Variants in RTL4 observed in about 807,000 individuals in gnomAD.
RTL4 encodes retrotransposon Gag like 4.
A neutral mutation model predicts 5.3 loss-of-function variants in RTL4; 4 were observed. The ratio of observed to expected loss-of-function variants is 0.75; its 90% CI spans 0.37 to 1.72. RTL4 has a LOEUF of 1.72. RTL4 is among the 40% of genes most tolerant of loss of function. The probability of loss-of-function intolerance (pLI) is 0.04; values close to 1 mark genes in which losing one functional copy is unlikely to be tolerated. For missense variants in RTL4, 260 were observed against 227.1 expected, an observed-to-expected ratio of 1.14 and a Z score of -0.93; for synonymous variants, 98 against 87.3, an observed-to-expected ratio of 1.12 and a Z score of -0.68.
At chrX:112,332,869 T>C in the RTL4 span, among the ~76,000 whole-genome samples, 1 of 111,331 alleles carries the variant, frequency 9.0e-6, no homozygotes, top group Non-Finnish European at 1.9e-5. Flanking sequence ...TCTCCAACTA[T>C]TATTGTTCTA....
chrX:112,107,874 C>G, the RTL4 span, among the ~76,000 whole-genome samples: 1 of 111,803 alleles, frequency 8.9e-6, no homozygotes, highest in African/African-American at 3.2e-5. Context: ...AAGGTTTTCT[C>G]CTATGGTTTC....
the RTL4 span, among the ~76,000 whole-genome samples, chrX:112,393,170 T>TTTGTTTG: frequency 2.8e-4 from 28 of 99,239 alleles, no homozygotes; most frequent in African/African-American, 1.2e-3. Context: ...TGTTTTTTTT[T>TTTGTTTG]TTTGTTTGTT....
the RTL4 span, among the ~76,000 whole-genome samples, chrX:112,248,225 C>A: frequency 1.3e-4 from 15 of 111,886 alleles, no homozygotes; most frequent in African/African-American, 4.9e-4. Context: ...TAGATTCTTT[C>A]TATAGTCTCT....
the RTL4 span, among the ~76,000 whole-genome samples, chrX:112,264,063 C>T: frequency 1.8e-5 from 2 of 111,401 alleles, no homozygotes; most frequent in Non-Finnish European, 3.8e-5. Flanking sequence ...TTAGGCATCC[C>T]TGGACAGTGA....
the RTL4 span, among the ~76,000 whole-genome samples, chrX:112,304,858 ATC>A: frequency 9.2e-5 from 10 of 108,313 alleles, no homozygotes; most frequent in South Asian, 8.1e-4. Context: ...CCACTCCTGC[ATC>A]TCTCTTTCCT....
chrX:112,386,878 G>A, the RTL4 span, among the ~76,000 whole-genome samples: 2 of 111,547 alleles, frequency 1.8e-5, no homozygotes, highest in Non-Finnish European at 3.8e-5. Context: ...ACCCAGTAGT[G>A]GGATTTCTGG....
chrX:112,264,971 T>C, the RTL4 span, among the ~76,000 whole-genome samples: 1 of 112,514 alleles, frequency 8.9e-6, no homozygotes, highest in African/African-American at 3.2e-5. Context: ...ATAAACTCTT[T>C]GAGGCCAGTC....
chrX:112,158,279 T>C, the RTL4 span, among the ~76,000 whole-genome samples: 1 of 111,664 alleles, frequency 9.0e-6, no homozygotes, highest in Non-Finnish European at 1.9e-5. Context: ...CCTAATATGA[T>C]TTTAAAATAG....
chrX:112,356,768 G>A, the RTL4 span, among the ~76,000 whole-genome samples: 1 of 111,460 alleles, frequency 9.0e-6, no homozygotes. Context: ...TCTAGATGAC[G>A]TTATAGCTAA....
the RTL4 span, among the ~76,000 whole-genome samples, chrX:112,246,772 G>A: frequency 2.7e-5 from 3 of 111,294 alleles, no homozygotes; most frequent in African/African-American, 9.8e-5. Flanking sequence ...ACCTCAGCTG[G>A]AAATGCAGAA....
At chrX:112,401,992 A>G in the RTL4 span, among the ~76,000 whole-genome samples, 2,049 of 111,215 alleles carry the variant, frequency 0.018, 55 homozygotes, top group African/African-American at 0.063. Flanking sequence ...GTTTTTCCCT[A>G]TTGTCCATCC....
upstream of RTL4, among the ~76,000 whole-genome samples, chrX:112,453,729 C>T (rs772615599): frequency 4.5e-5 from 5 of 112,171 alleles, no homozygotes; most frequent in African/African-American, 9.7e-5. Context: ...ATATTCTAGT[C>T]ACCTTGGGAA....
At chrX:112,220,495 C>G in the RTL4 span, among the ~76,000 whole-genome samples, 2 of 112,624 alleles carry the variant, frequency 1.8e-5, no homozygotes, top group Non-Finnish European at 3.8e-5. Context: ...TGACATGCCC[C>G]GGAGACATTT....
chrX:112,173,745 G>C, the RTL4 span, among the ~76,000 whole-genome samples: 2 of 110,196 alleles, frequency 1.8e-5, no homozygotes, highest in African/African-American at 6.6e-5. Context: ...CTAGGAGTGA[G>C]AAAGGATTGA....
At chrX:112,243,722 G>A in the RTL4 span, among the ~76,000 whole-genome samples, 1,236 of 111,057 alleles carry the variant, frequency 0.011, 20 homozygotes, top group African/African-American at 0.038. Flanking sequence ...TCTTCGTTAT[G>A]TCTTGCCTTC....
At chrX:112,237,961 T>C in the RTL4 span, among the ~76,000 whole-genome samples, 4 of 112,060 alleles carry the variant, frequency 3.6e-5, no homozygotes, top group Non-Finnish European at 7.5e-5. Flanking sequence ...CCACTACAGC[T>C]GCATAATGAA....
chrX:112,268,817 C>T, the RTL4 span, among the ~76,000 whole-genome samples: 1 of 112,080 alleles, frequency 8.9e-6, no homozygotes, highest in African/African-American at 3.2e-5. Context: ...GCACCTCAAA[C>T]ACATGTACAA....
chrX:112,225,131 G>A, the RTL4 span, among the ~76,000 whole-genome samples: 1 of 111,768 alleles, frequency 8.9e-6, no homozygotes, highest in Admixed American at 9.5e-5. Context: ...GACAGAAATC[G>A]AAACCCAGGC....
the RTL4 span, among the ~76,000 whole-genome samples, chrX:112,444,062 T>A: frequency 1.8e-5 from 2 of 111,982 alleles, no homozygotes; most frequent in African/African-American, 6.5e-5. Context: ...TTTTAGTGGT[T>A]TCATAGTTTG....
Sources: gnomAD v4.1 joint callset for allele counts (sites outside exome capture counted in the v4.1 genomes callset) on GRCh38, gnomAD v4.1.1 for gene constraint, MANE v1.5 for transcripts, NCBI Gene and HGNC (gene_info 2026-07-23, HGNC 2026-07-21) for gene names.